Variants in FGGY observed in about 807,000 individuals in gnomAD.
FGGY encodes FGGY carbohydrate kinase domain-containing protein.
Under a neutral mutation model 71.3 loss-of-function variants are expected in FGGY, and 72 were observed. The observed-to-expected ratio is 1.01, with a 90% CI of 0.84 to 1.23. The LOEUF is 1.23. Ranked by LOEUF, FGGY falls within the 50% of genes most tolerant of loss-of-function variation. FGGY has a pLI of 0.00. For missense variants in FGGY, 668 were observed against 682.3 expected, an observed-to-expected ratio of 0.98 and a Z score of 0.23; for synonymous variants, 251 against 250.3, an observed-to-expected ratio of 1.00 and a Z score of -0.02.
At chr1:59,611,727 T>C (rs1432554463) in intron 9 of FGGY, among the ~76,000 whole-genome samples, 1 of 152,084 alleles carries the variant, frequency 6.6e-6, no homozygotes, top group East Asian at 1.9e-4. Flanking sequence ...TTCGAACCCA[T>C]GGCAAAGAAG....
At chr1:59,744,440 C>T (rs1445894909) in intron 14 of FGGY, among the ~76,000 whole-genome samples, 3 of 152,192 alleles carry the variant, frequency 2.0e-5, no homozygotes, top group Non-Finnish European at 2.9e-5. Flanking sequence ...AGGCTGGTCT[C>T]GAACCCCTGA....
At chr1:59,522,178 C>T (rs1375959726) in intron 7 of FGGY, among the ~76,000 whole-genome samples, 3 of 152,326 alleles carry the variant, frequency 2.0e-5, no homozygotes, top group Non-Finnish European at 2.9e-5. Context: ...GTTTAAGAAC[C>T]TGCCAAAGGT....
chr1:59,691,076 T>C (rs889446090), intron 14 of FGGY, among the ~76,000 whole-genome samples: 5 of 152,204 alleles, frequency 3.3e-5, no homozygotes, highest in Non-Finnish European at 5.9e-5. Context: ...AGTGGAACCT[T>C]TGGGAGGCCA....
chr1:59,517,926 A>T (rs1447051776), intron 7 of FGGY, among the ~76,000 whole-genome samples: 1 of 152,230 alleles, frequency 6.6e-6, no homozygotes, highest in African/African-American at 2.4e-5. Flanking sequence ...CTGCAGGAGC[A>T]AAAGTTTGGG....
Position 59,451,935 on chromosome 1 carries a change from C to T in FGGY, c.555-5026C>T, listed in dbSNP as rs188586059. 2.6e-5 allele frequency among the ~76,000 whole-genome samples: 4 copies of T among 152,180 alleles called. No individual in the cohort carries two copies. In the East Asian group the frequency reaches 7.7e-4, roughly 29 times the overall value. Reference sequence around the variant, plus strand: ...AAGCTTGTATAATTTTCTGTTTACTCTTGAAATTCAAGTGTTTCCTGGATT... The same window carrying T: ...AAGCTTGTATAATTTTCTGTTTACTTTTGAAATTCAAGTGTTTCCTGGATT... On this transcript the variant is annotated intron_variant, in intron 5 of 15. Transcript: ENST00000303721.
intron 6 of FGGY, among the ~76,000 whole-genome samples, chr1:59,480,504 A>T (rs1476885389): frequency 6.6e-6 from 1 of 152,180 alleles, no homozygotes; most frequent in African/African-American, 2.4e-5. Flanking sequence ...AATGGCCAGA[A>T]CCGTATTACA....
chr1:59,363,554 C>A (rs914916555), intron 4 of FGGY, among the ~76,000 whole-genome samples: 1 of 152,178 alleles, frequency 6.6e-6, no homozygotes, highest in African/African-American at 2.4e-5. Flanking sequence ...CTACAGAGTA[C>A]TAGAGCCAGG....
At chr1:59,658,035 T>C (rs2097237930) in intron 11 of FGGY, among the ~76,000 whole-genome samples, 1 of 152,174 alleles carries the variant, frequency 6.6e-6, no homozygotes, top group African/African-American at 2.4e-5. Context: ...AAAAGAAGCA[T>C]TGAATTGTCA....
chr1:59,374,285 C>G (rs1007469078), intron 4 of FGGY, among the ~76,000 whole-genome samples: 1 of 152,170 alleles, frequency 6.6e-6, no homozygotes, highest in Non-Finnish European at 1.5e-5. Flanking sequence ...TTTATGCAGC[C>G]AGAAACCACA....
intron 3 of FGGY, among the ~76,000 whole-genome samples, chr1:59,341,478 G>A (rs1237816800): frequency 6.6e-6 from 1 of 152,200 alleles, no homozygotes; most frequent in Non-Finnish European, 1.5e-5. Flanking sequence ...AATGATTAGA[G>A]CACAGTGGTA....
rs144635392 is a variant in FGGY at position 59,610,310 on chromosome 1, G to A, written c.1011+2400G>A. ...CATGTGTTCTCATTCTTCAACTCCTGCTTATGAGTGAGAACATGCAGTGTT... is the reference window on the plus strand; with the variant it reads ...CATGTGTTCTCATTCTTCAACTCCTACTTATGAGTGAGAACATGCAGTGTT... On this transcript the variant is annotated intron_variant, in intron 9 of 15. Transcript: ENST00000303721. 3.0e-4 allele frequency among the ~76,000 whole-genome samples: 45 copies of A among 151,566 alleles called. No homozygotes were observed. In the East Asian group the frequency reaches 8.4e-3, roughly 28 times the overall value.
intron 14 of FGGY, among the ~76,000 whole-genome samples, chr1:59,724,157 C>T (rs561874266): frequency 7.3e-5 from 11 of 151,378 alleles, no homozygotes; most frequent in South Asian, 6.3e-4. Flanking sequence ...AGCAAGACTC[C>T]GTCTCAATTA....
chr1:59,664,392 G>C (rs1013519935), intron 12 of FGGY, among the ~76,000 whole-genome samples: 1 of 152,208 alleles, frequency 6.6e-6, no homozygotes, highest in Non-Finnish European at 1.5e-5. Context: ...CCACATGGGG[G>C]AGAGACAGGC....
intron 2 of FGGY, among the ~76,000 whole-genome samples, chr1:59,336,324 T>A (rs2153189619): frequency 6.6e-6 from 1 of 152,290 alleles, no homozygotes; most frequent in East Asian, 1.9e-4. Flanking sequence ...TCTATTGATT[T>A]ATAAATTTAT....
At chr1:59,728,298 G>A (rs987780450) in intron 14 of FGGY, among the ~76,000 whole-genome samples, 1 of 151,920 alleles carries the variant, frequency 6.6e-6, no homozygotes, top group East Asian at 1.9e-4. Context: ...TGTAGTGCAG[G>A]TACCTTATAA....
chr1:59,696,288 A>G (rs2097658364), intron 14 of FGGY, among the ~76,000 whole-genome samples: 1 of 152,236 alleles, frequency 6.6e-6, no homozygotes, highest in Non-Finnish European at 1.5e-5. Flanking sequence ...TAGATACTAG[A>G]AAAGTACCTA....
chr1:59,587,769 A>G (rs529905483), intron 8 of FGGY, among the ~76,000 whole-genome samples: 1 of 152,208 alleles, frequency 6.6e-6, no homozygotes, highest in Non-Finnish European at 1.5e-5. Flanking sequence ...ACAAACAGAA[A>G]GGACATCCAC....
chr1:59,576,960 G>A (rs1392637799), intron 8 of FGGY, among the ~76,000 whole-genome samples: 2 of 152,150 alleles, frequency 1.3e-5, no homozygotes, highest in African/African-American at 4.8e-5. Context: ...CACAATGCCT[G>A]TAAGTTAGGC....
chr1:59,360,224 A>G (rs1312427267), intron 4 of FGGY, among the ~76,000 whole-genome samples: 1 of 151,984 alleles, frequency 6.6e-6, no homozygotes, highest in South Asian at 2.1e-4. Context: ...ATTTGGGAAC[A>G]ACTGGTGCGT....
Sources: gnomAD v4.1 joint callset for allele counts (sites outside exome capture counted in the v4.1 genomes callset) on GRCh38, gnomAD v4.1.1 for gene constraint, MANE v1.5 for transcripts, NCBI Gene and HGNC (gene_info 2026-07-23, HGNC 2026-07-21) for gene names.